Variants in ZNF644 observed in about 807,000 individuals in gnomAD.
The protein encoded by ZNF644 is zinc finger motif enhancer binding protein 2.
A neutral mutation model predicts 108.0 loss-of-function variants in ZNF644; 20 were observed. The ratio of observed to expected loss-of-function variants is 0.19; its 90% CI spans 0.13 to 0.27. ZNF644 has a LOEUF of 0.27. Ranked by LOEUF, ZNF644 falls within the 10% of genes least tolerant of loss-of-function variation. The pLI is 1.00. For synonymous variants in ZNF644, 542 were observed against 539.1 expected (o/e 1.01, Z -0.08); for missense variants, 1,338 against 1,548.9 (o/e 0.86, Z 2.29).
chr1:91,009,485 G>A (rs944361910), intron 1 of ZNF644, among the ~76,000 whole-genome samples: 3 of 152,030 alleles, frequency 2.0e-5, no homozygotes, highest in African/African-American at 7.2e-5. Flanking sequence ...TCCTATAAAA[G>A]CAGAGTATTC....
chr1:90,939,608 T>C lies in ZNF644; in HGVS notation c.1746A>G (p.Lys582=). 1 of 1,614,032 alleles carries C rather than the reference T, an allele frequency of 6.2e-7. No individual in the cohort carries two copies. Residue 582 remains lysine (K), a synonymous_variant, in exon 3 of 6, where the codon AAA becomes AAG. Coordinates refer to ENST00000337393, the MANE Select transcript of ZNF644 (RefSeq NM_201269.3). ...MKDSVVGSSK[K]SATYICKMCP... ...ACATCTTACATATGTAGGTAGCTGA[T>C]TTTTTGGATGATCCTACTACAGAGT... is the stretch of plus-strand genomic sequence containing the variant.
chr1:90,985,628 A>G (rs1376396438), intron 1 of ZNF644, among the ~76,000 whole-genome samples: 1 of 152,202 alleles, frequency 6.6e-6, no homozygotes, highest in African/African-American at 2.4e-5. Flanking sequence ...TGTTGCAAAT[A>G]ACAGAATTTT....
chr1:90,954,783 C>G (rs947013759), intron 2 of ZNF644, among the ~76,000 whole-genome samples: 1 of 152,216 alleles, frequency 6.6e-6, no homozygotes, highest in African/African-American at 2.4e-5. Flanking sequence ...TGTAGTCTTG[C>G]ATCCCTCAAA....
At chr1:90,998,639 C>T (rs756940573) in intron 1 of ZNF644, among the ~76,000 whole-genome samples, 10 of 152,178 alleles carry the variant, frequency 6.6e-5, no homozygotes, top group South Asian at 4.1e-4. Context: ...AAAATCAGAG[C>T]GCCTCTCCCC....
At chr1:91,000,441 G>C (rs1658647789) in intron 1 of ZNF644, among the ~76,000 whole-genome samples, 2 of 152,084 alleles carry the variant, frequency 1.3e-5, no homozygotes, top group Non-Finnish European at 2.9e-5. Context: ...AATAACTATT[G>C]GGTACATAAC....
intron 4 of ZNF644, among the ~76,000 whole-genome samples, chr1:90,927,329 A>G (rs2100834971): frequency 6.6e-6 from 1 of 152,296 alleles, no homozygotes; most frequent in Admixed American, 6.5e-5. Context: ...GAGGTGAAAA[A>G]AGTGCTTGTT....
chr1:90,949,598 T>TA lies in ZNF644; in HGVS notation c.45-8290dup, dbSNP rs1306375987. ...TCAACCAAACTCAGATCAAAAGAAA[T>TA]AAAAAATAAAATTACAAGAATAAAA... On this transcript the variant is annotated intron_variant, in intron 2 of 5. Coordinates refer to ENST00000337393, the MANE Select transcript of ZNF644 (RefSeq NM_201269.3). Among the ~76,000 whole-genome samples, 10 of 151,992 alleles carry TA rather than the reference T, an allele frequency of 6.6e-5. No homozygotes were observed. The South Asian group carries it at 1.5e-3, about 22-fold the overall frequency.
intron 4 of ZNF644, among the ~76,000 whole-genome samples, chr1:90,922,989 GA>G (rs1255382231): frequency 3.3e-5 from 5 of 151,948 alleles, no homozygotes; most frequent in Non-Finnish European, 5.9e-5. Flanking sequence ...CCTTTTTTTA[GA>G]AAACAACAAC....
chr1:90,972,410 A>G (rs1295885568), intron 2 of ZNF644, among the ~76,000 whole-genome samples: 1 of 152,168 alleles, frequency 6.6e-6, no homozygotes, highest in Non-Finnish European at 1.5e-5. Context: ...AGACAAATAC[A>G]AATCAAAACC....
chr1:90,943,227 A>G (rs630809), intron 2 of ZNF644, among the ~76,000 whole-genome samples: 21,718 of 151,958 alleles, frequency 0.14, 1,631 homozygotes, highest in African/African-American at 0.18. Context: ...GGATTACAAG[A>G]TCAGGAGATT....
Position 90,937,682 on chromosome 1 carries a change from T to C in ZNF644, c.3491A>G (p.Lys1164Arg). Residue 1164 changes from lysine to arginine, a missense_variant, in exon 4 of 6, where the codon AAA becomes AGA. Transcript: ENST00000337393. ...DETKPELPSG[K>R]KNQSLTLIEL... ...TATGAGTGTAAGAGACTGATTCTTT[T>C]TCCCACTGGGCAGTTCTGGTTTTGT... The C allele has an allele frequency of 6.2e-7, 1 of 1,613,978 alleles. No homozygotes were observed. The highest frequency in any genetic ancestry group is 2.2e-5 in the East Asian group (1 of 44,862).
At chr1:90,945,302 TAA>T (rs1349202459) in intron 2 of ZNF644, among the ~76,000 whole-genome samples, 3 of 147,982 alleles carry the variant, frequency 2.0e-5, no homozygotes, top group Admixed American at 6.6e-5. Flanking sequence ...AACTGGTTTT[TAA>T]AAGTCTAAAA....
At chr1:90,947,852 G>A (rs957529186) in intron 2 of ZNF644, among the ~76,000 whole-genome samples, 4 of 151,864 alleles carry the variant, frequency 2.6e-5, no homozygotes, top group African/African-American at 9.7e-5. Context: ...CCTACAATTG[G>A]CCAAAATAAT....
intron 1 of ZNF644, among the ~76,000 whole-genome samples, chr1:91,003,962 A>C (rs568466992): frequency 6.6e-6 from 1 of 152,236 alleles, no homozygotes; most frequent in African/African-American, 2.4e-5. Flanking sequence ...TGAACAATTT[A>C]CTAGAAAAGT....
intron 2 of ZNF644, among the ~76,000 whole-genome samples, chr1:90,954,369 T>A (rs1438114371): frequency 5.9e-5 from 9 of 152,154 alleles, no homozygotes; most frequent in South Asian, 4.1e-4. Context: ...GATCAGGTTT[T>A]ATCGTGAGAT....
intron 1 of ZNF644, among the ~76,000 whole-genome samples, chr1:91,001,767 G>T (rs898465624): frequency 3.3e-5 from 5 of 152,196 alleles, no homozygotes; most frequent in Non-Finnish European, 7.3e-5. Context: ...CAGATGACAT[G>T]ATTGTATATT....
chr1:90,993,111 T>C (rs1315343501), intron 1 of ZNF644, among the ~76,000 whole-genome samples: 1 of 152,082 alleles, frequency 6.6e-6, no homozygotes, highest in East Asian at 1.9e-4. Context: ...ATTGACCTTA[T>C]AAGAAACACC....
chr1:91,013,464 CACACACACACACACACACAT>C (rs1296890592), intron 1 of ZNF644, among the ~76,000 whole-genome samples: 87 of 149,306 alleles, frequency 5.8e-4, no homozygotes, highest in African/African-American at 2.0e-3. Context: ...CACACACACA[CACACACACACACACACACAT>C]ACACACACAC....
intron 1 of ZNF644, among the ~76,000 whole-genome samples, chr1:90,984,433 G>A (rs1417589646): frequency 6.6e-6 from 1 of 150,870 alleles, no homozygotes; most frequent in Non-Finnish European, 1.5e-5. Context: ...TATGACTGGT[G>A]TCTTTTTTTT....
Sources: gnomAD v4.1 joint callset for allele counts (sites outside exome capture counted in the v4.1 genomes callset) on GRCh38, gnomAD v4.1.1 for gene constraint, MANE v1.5 for transcripts, NCBI Gene and HGNC (gene_info 2026-07-23, HGNC 2026-07-21) for gene names.